PHF21B: variants seen among roughly 807,000 people sequenced by gnomAD.
PHF21B encodes PHD finger protein 21B.
Under a neutral mutation model 62.2 loss-of-function variants are expected in PHF21B, and 22 were observed. That is an observed-to-expected ratio of 0.35 (90% confidence interval 0.25 to 0.51). PHF21B has a LOEUF of 0.51. PHF21B is among the 20% of genes least tolerant of loss of function. PHF21B has a pLI of 0.97. For synonymous variants in PHF21B, 341 were observed against 314.7 expected (o/e 1.08, Z -0.88); for missense variants, 701 against 707.9 (o/e 0.99, Z 0.11).
intron 2 of PHF21B, among the ~76,000 whole-genome samples, chr22:44,923,780 G>A (rs1179626093): frequency 2.0e-5 from 3 of 152,150 alleles, no homozygotes; most frequent in Non-Finnish European, 4.4e-5. Context: ...CACTTTGGGA[G>A]GTGGAGGTAG....
chr22:44,926,282 C>T lies in PHF21B; in HGVS notation c.121-5792G>A, dbSNP rs140974500. Among the ~76,000 whole-genome samples, 804 of 152,342 alleles carry T rather than the reference C, an allele frequency of 5.3e-3. 4 individuals are homozygous for T. The highest frequency in any genetic ancestry group is 0.027 in the Middle Eastern group (8 of 294). ...GGAAGGCCCACATGGCATGTCCCCG[C>T]GGTGGATTCCCGAGGCAGGTTCCCC... On this transcript the variant is annotated intron_variant, in intron 2 of 12. Transcript: ENST00000313237.
intron 4 of PHF21B, among the ~76,000 whole-genome samples, chr22:44,914,732 A>G (rs555022490): frequency 6.6e-6 from 1 of 152,262 alleles, no homozygotes; most frequent in Admixed American, 6.5e-5. Flanking sequence ...GGGTCTTCAG[A>G]TGCCACCCTG....
chr22:44,990,113 G>A (rs986789172), intron 2 of PHF21B, among the ~76,000 whole-genome samples: 4 of 152,222 alleles, frequency 2.6e-5, no homozygotes, highest in African/African-American at 9.6e-5. Context: ...AGCCAGCAGA[G>A]AGGCACTCAA....
At chr22:44,990,803 A>G (rs369302025) in intron 2 of PHF21B, among the ~76,000 whole-genome samples, 24 of 152,252 alleles carry the variant, frequency 1.6e-4, no homozygotes, top group African/African-American at 5.5e-4. Context: ...TGGGCACTTA[A>G]AAATGGTGAA....
At chr22:44,979,444 C>G (rs2072797622) in intron 2 of PHF21B, among the ~76,000 whole-genome samples, 1 of 152,228 alleles carries the variant, frequency 6.6e-6, no homozygotes, top group African/African-American at 2.4e-5. Context: ...CTGCCAGCCC[C>G]CTCCCAGCCA....
chr22:44,914,360 G>C (rs752317438), intron 4 of PHF21B, among the ~76,000 whole-genome samples: 4 of 152,218 alleles, frequency 2.6e-5, no homozygotes, highest in African/African-American at 9.7e-5. Flanking sequence ...CTGCCCCACC[G>C]CTTCCCAGCT....
intron 2 of PHF21B, among the ~76,000 whole-genome samples, chr22:44,929,305 T>C (rs1183813662): frequency 6.6e-6 from 1 of 152,260 alleles, no homozygotes. Context: ...CCGCTGCTGC[T>C]GCATGAGAAT....
intron 2 of PHF21B, among the ~76,000 whole-genome samples, chr22:44,953,935 G>A (rs778715565): frequency 6.6e-6 from 1 of 152,208 alleles, no homozygotes; most frequent in Admixed American, 6.5e-5. Context: ...GCCAGGAGAG[G>A]TGAAGCCAGG....
At chr22:44,952,715 A>C (rs765613324) in intron 2 of PHF21B, among the ~76,000 whole-genome samples, 1 of 152,238 alleles carries the variant, frequency 6.6e-6, no homozygotes, top group Non-Finnish European at 1.5e-5. Flanking sequence ...AGAGAAGAGT[A>C]TAAGAGTCTG....
At chr22:44,900,115 A>G (rs2071131242) in intron 5 of PHF21B, among the ~76,000 whole-genome samples, 1 of 152,028 alleles carries the variant, frequency 6.6e-6, no homozygotes, top group African/African-American at 2.4e-5. Context: ...TTCTCCTCTC[A>G]ATTTTACTTA....
chr22:45,001,371 T>C (rs1311669859), intron 2 of PHF21B: 1 of 152,302 alleles, frequency 6.6e-6, no homozygotes, highest in Non-Finnish European at 1.5e-5. Flanking sequence ...CAGCAGCGAG[T>C]GTGCAATCTG....
intron 2 of PHF21B, among the ~76,000 whole-genome samples, chr22:44,927,091 G>A (rs1297646413): frequency 6.6e-6 from 1 of 152,106 alleles, no homozygotes; most frequent in Non-Finnish European, 1.5e-5. Context: ...AAGGAGGGGA[G>A]ACCCAAAGGA....
chr22:44,987,701 CTT>C (rs1160664111), intron 2 of PHF21B, among the ~76,000 whole-genome samples: 1 of 152,116 alleles, frequency 6.6e-6, no homozygotes, highest in East Asian at 1.9e-4. Context: ...CAAGGAACCT[CTT>C]GAGGGCAGGC....
intron 8 of PHF21B, 41 bp downstream of exon 8, chr22:44,891,265 C>T (rs2070959114): frequency 6.2e-7 from 1 of 1,609,144 alleles, no homozygotes; most frequent in African/African-American, 1.3e-5. Context: ...CTCCCCGCGG[C>T]CCTGAGCAGC....
At chr22:44,929,994 A>G (rs1682551735) in intron 2 of PHF21B, among the ~76,000 whole-genome samples, 1 of 152,224 alleles carries the variant, frequency 6.6e-6, no homozygotes, top group Admixed American at 6.5e-5. Context: ...ACTAGGAGGG[A>G]AAAGAGGAAC....
chr22:44,985,958 T>C (rs1569274502), intron 2 of PHF21B, among the ~76,000 whole-genome samples: 2 of 136,658 alleles, frequency 1.5e-5, no homozygotes, highest in East Asian at 2.3e-4. Context: ...TGATCACCAT[T>C]ATCACCAACA....
At chr22:44,962,463 C>T (rs1017293861) in intron 2 of PHF21B, among the ~76,000 whole-genome samples, 29 of 152,230 alleles carry the variant, frequency 1.9e-4, no homozygotes, top group African/African-American at 7.0e-4. Context: ...AGCTGCAGCT[C>T]ACAGCTGCTA....
chr22:45,001,866 C>T (rs912264290), intron 2 of PHF21B: 1 of 152,236 alleles, frequency 6.6e-6, no homozygotes, highest in Non-Finnish European at 1.5e-5. Flanking sequence ...CGTGAGCACA[C>T]CTCGAGGCCA....
intron 2 of PHF21B, among the ~76,000 whole-genome samples, chr22:44,969,904 G>A (rs2072604730): frequency 1.3e-5 from 2 of 152,242 alleles, no homozygotes; most frequent in South Asian, 4.1e-4. Context: ...CAGCTACTAA[G>A]GGCTGAGATT....
Sources: gnomAD v4.1 joint callset for allele counts (sites outside exome capture counted in the v4.1 genomes callset) on GRCh38, gnomAD v4.1.1 for gene constraint, MANE v1.5 for transcripts, NCBI Gene and HGNC (gene_info 2026-07-23, HGNC 2026-07-21) for gene names.